The following RNF216 variants were observed in gnomAD, a reference collection of about 807,000 sequenced individuals.
RNF216 encodes E3 ubiquitin-protein ligase RNF216.
In RNF216, 72 loss-of-function variants were observed where a neutral mutation model predicts 110.8. The observed-to-expected ratio is 0.65, with a 90% CI of 0.54 to 0.79. The LOEUF (loss-of-function observed/expected upper bound fraction) is 0.79, where lower values mean the gene tolerates loss of function less well. Ranked by LOEUF, RNF216 falls within the 30% of genes least tolerant of loss-of-function variation. The pLI is 0.00. For missense variants in RNF216, 1,342 were observed against 1,141.2 expected (o/e 1.18, Z -2.54); for synonymous variants, 495 against 407.5 (o/e 1.21, Z -2.59).
At chr7:5,630,151 G>A (rs3807575) in intron 15 of RNF216, among the ~76,000 whole-genome samples, 6,384 of 152,182 alleles carry the variant, frequency 0.042, 183 homozygotes, top group East Asian at 0.093. Context: ...CTGCTGTCTC[G>A]GGGCTGAGTC....
At chr7:5,756,623 TTTG>T (rs1795657018) in intron 2 of RNF216, among the ~76,000 whole-genome samples, 1 of 152,084 alleles carries the variant, frequency 6.6e-6, no homozygotes, top group Non-Finnish European at 1.5e-5. Context: ...TTGTTTTTGT[TTTG>T]TTTTTTGTTT....
chr7:5,756,848 C>T (rs181759038), intron 2 of RNF216, among the ~76,000 whole-genome samples: 1 of 152,242 alleles, frequency 6.6e-6, no homozygotes, highest in East Asian at 1.9e-4. Context: ...GTCGCCCAGG[C>T]TGGCCTCGAA....
chr7:5,679,155 C>T (rs1010111305), intron 13 of RNF216, among the ~76,000 whole-genome samples: 1 of 152,162 alleles, frequency 6.6e-6, no homozygotes, highest in African/African-American at 2.4e-5. Flanking sequence ...ATCCTCCTAA[C>T]AGACTTTTCA....
intron 13 of RNF216, among the ~76,000 whole-genome samples, chr7:5,693,600 C>T (rs1791461407): frequency 6.6e-6 from 1 of 152,212 alleles, no homozygotes; most frequent in Non-Finnish European, 1.5e-5. Context: ...TCAGAGCAAG[C>T]TACAACCTCC....
At position 5,620,907 on chromosome 7, in the gene RNF216, GATCCTCCCTGGGGAAGC is replaced by G. The variant is rs1786312403; in HGVS notation, c.*1936_*1952del. 6.6e-6 allele frequency: 1 copy of G among 152,264 alleles called. No individual in the cohort carries two copies. Among genetic ancestry groups the G allele is most frequent in the African/African-American group, 2.4e-5 (1 of 41,460 alleles). The allele number at this position is 152,264 out of a possible 1,614,324, so 9.4% of individuals were successfully genotyped here. On this transcript the variant is annotated 3_prime_UTR_variant, in exon 17 of 17. Transcript: ENST00000389902. ...TCTACAGCCGCCCTCTGCTCCCAGA[GATCCTCCCTGGGGAAGC>G]ACAGGGAGCATATTTAAGGTACCGA...
At chr7:5,683,923 C>G (rs995079505) in intron 13 of RNF216, among the ~76,000 whole-genome samples, 4 of 151,950 alleles carry the variant, frequency 2.6e-5, no homozygotes, top group African/African-American at 9.7e-5. Context: ...TAGGGACGGG[C>G]ATCACTTGTG....
intron 1 of RNF216, among the ~76,000 whole-genome samples, chr7:5,777,225 C>T (rs1467144759): frequency 6.6e-6 from 1 of 152,104 alleles, no homozygotes; most frequent in Non-Finnish European, 1.5e-5. Flanking sequence ...ACATGTCGAC[C>T]AGAGAAAAAT....
chr7:5,636,634 G>A (rs1787413020), intron 15 of RNF216, among the ~76,000 whole-genome samples: 1 of 152,182 alleles, frequency 6.6e-6, no homozygotes, highest in African/African-American at 2.4e-5. Context: ...AACAGATGCT[G>A]GGTTGGAATT....
At chr7:5,722,333 T>G (rs1218877992) in intron 8 of RNF216, among the ~76,000 whole-genome samples, 1 of 152,078 alleles carries the variant, frequency 6.6e-6, no homozygotes, top group African/African-American at 2.4e-5. Flanking sequence ...CTAATACATT[T>G]TATTTTGATT....
intron 15 of RNF216, among the ~76,000 whole-genome samples, chr7:5,625,067 T>C (rs1239944884): frequency 6.6e-6 from 1 of 152,214 alleles, no homozygotes; most frequent in Non-Finnish European, 1.5e-5. Flanking sequence ...GCCAAGTGGG[T>C]GCCCATCTTT....
chr7:5,629,526 C>A (rs1280281502), intron 15 of RNF216, among the ~76,000 whole-genome samples: 3 of 151,890 alleles, frequency 2.0e-5, no homozygotes, highest in Non-Finnish European at 4.4e-5. Context: ...TTATGCTTCA[C>A]CACAATTAAA....
chr7:5,719,693 C>T (rs992846217), intron 9 of RNF216, among the ~76,000 whole-genome samples: 1 of 152,186 alleles, frequency 6.6e-6, no homozygotes, highest in Admixed American at 6.5e-5. Context: ...ACAATAAATT[C>T]TAATTTCTGC....
In RNF216 at chr7:5,669,360, A is replaced by C. The variant is rs144561576; in HGVS notation, c.2062-16850T>G. Among the ~76,000 whole-genome samples the C allele has an allele frequency of 3.8e-3, 577 of 152,336 alleles. 2 individuals are homozygous for C. The highest frequency in any genetic ancestry group is 0.013 in the African/African-American group (558 of 41,564). On this transcript the variant is annotated intron_variant, in intron 13 of 16. Coordinates refer to ENST00000389902, the MANE Select transcript of RNF216 (RefSeq NM_207111.4). ...TAGAAGACCAATCTTTGCCACTGGC[A>C]ATCACAGGGAGGCTGACACACTCAT...
At chr7:5,684,765 G>C (rs1450737292) in intron 13 of RNF216, among the ~76,000 whole-genome samples, 1 of 152,090 alleles carries the variant, frequency 6.6e-6, no homozygotes, top group African/African-American at 2.4e-5. Flanking sequence ...CATATAGTTA[G>C]GAAAAACAAA....
intron 14 of RNF216, among the ~76,000 whole-genome samples, chr7:5,647,526 G>A (rs1788129264): frequency 6.6e-6 from 1 of 151,818 alleles, no homozygotes; most frequent in East Asian, 1.9e-4. Flanking sequence ...TACAGAGAGG[G>A]TCTCACTTTG....
At chr7:5,736,808 C>T (rs1480849106) in intron 5 of RNF216, among the ~76,000 whole-genome samples, 3 of 151,692 alleles carry the variant, frequency 2.0e-5, no homozygotes, top group East Asian at 1.9e-4. Context: ...TCTGCCCGGC[C>T]GCCCCGTCTG....
At chr7:5,625,655 T>C (rs1780512335) in intron 15 of RNF216, among the ~76,000 whole-genome samples, 1 of 152,282 alleles carries the variant, frequency 6.6e-6, no homozygotes, top group African/African-American at 2.4e-5. Flanking sequence ...AGGAATTTCC[T>C]TCACTAAACG....
intron 13 of RNF216, among the ~76,000 whole-genome samples, chr7:5,681,993 C>A: frequency 6.6e-6 from 1 of 152,236 alleles, no homozygotes; most frequent in East Asian, 1.9e-4. Context: ...TGGGTCACAG[C>A]CCACTGGCAC....
chr7:5,773,853 C>T (rs772296930), intron 1 of RNF216, among the ~76,000 whole-genome samples: 1 of 152,236 alleles, frequency 6.6e-6, no homozygotes, highest in Non-Finnish European at 1.5e-5. Flanking sequence ...AGGCGAGTCA[C>T]CGTGCCTGGC....
Sources: gnomAD v4.1 joint callset for allele counts (sites outside exome capture counted in the v4.1 genomes callset) on GRCh38, gnomAD v4.1.1 for gene constraint, MANE v1.5 for transcripts, NCBI Gene and HGNC (gene_info 2026-07-23, HGNC 2026-07-21) for gene names.